Variants in USP15 observed in about 807,000 individuals in gnomAD.
USP15 encodes the protein ubiquitin specific peptidase 15.
A neutral mutation model predicts 127.1 loss-of-function variants in USP15; 18 were observed. That is an observed-to-expected ratio of 0.14 (90% CI 0.10 to 0.21). The LOEUF (loss-of-function observed/expected upper bound fraction) is 0.21, where lower values mean the gene tolerates loss of function less well. USP15 is among the 10% of genes least tolerant of loss of function. USP15 has a pLI of 1.00. For missense variants in USP15, 805 were observed against 1,159.9 expected (o/e 0.69, Z 4.44); for synonymous variants, 364 against 393.7 (o/e 0.92, Z 0.89).
At chr12:62,347,158 T>C (rs1213479648) in intron 6 of USP15, among the ~76,000 whole-genome samples, 1 of 152,112 alleles carries the variant, frequency 6.6e-6, no homozygotes, top group African/African-American at 2.4e-5. Context: ...AATAAATGTT[T>C]GAGTGTTTAA....
intron 1 of USP15, 34 bp from the exon 2 acceptor site, chr12:62,294,145 G>A: frequency 1.2e-6 from 2 of 1,604,564 alleles, no homozygotes; most frequent in Non-Finnish European, 8.5e-7. Flanking sequence ...GTATTTTCAG[G>A]TATTTTCCTT....
Position 62,393,067 on chromosome 12 carries a change from G to A in USP15, c.2435G>A (p.Cys812Tyr). 1 of 1,613,530 alleles carries A rather than the reference G, an allele frequency of 6.2e-7. No homozygotes were observed. Residue 812 changes from cysteine to tyrosine, a missense_variant, in exon 19 of 22, where the codon TGT becomes TAT. Physicochemically the swap from Cys to Tyr is radical, Grantham distance 194. This residue lies in a region of USP15 where 24 missense variants were observed against 71.5 expected (regional missense o/e 0.34). Transcript: ENST00000280377. ...GAEDPWYCPNCKEHQQATKKL... is the reference protein window; with the variant it reads ...GAEDPWYCPNYKEHQQATKKL... ...TTTATTCTTAGGTATTGTCCGAATT[G>A]TAAAGAACATCAGCAAGCCACAAAG...
At chr12:62,300,788 T>A (rs1170226508) in intron 2 of USP15, among the ~76,000 whole-genome samples, 3 of 152,142 alleles carry the variant, frequency 2.0e-5, no homozygotes, top group Non-Finnish European at 4.4e-5. Context: ...ATGTAAAAAC[T>A]AAAACTTTTA....
At chr12:62,389,571 A>C (rs1052604090) in intron 12 of USP15, 34 bp from the exon 13 acceptor site, 10 of 1,610,482 alleles carry the variant, frequency 6.2e-6, no homozygotes, top group Non-Finnish European at 8.5e-6. Context: ...TCAGTGCTGT[A>C]AAACCAGCTT....
chr12:62,367,380 C>T (rs141080647), intron 8 of USP15, among the ~76,000 whole-genome samples: 126 of 152,118 alleles, frequency 8.3e-4, no homozygotes, highest in Admixed American at 1.4e-3. Context: ...TCCAGGCGCC[C>T]GCCACCACAC....
chr12:62,335,475 C>A, intron 6 of USP15: 1 of 1,272,524 alleles, frequency 7.9e-7, no homozygotes, highest in Non-Finnish European at 9.9e-7. Flanking sequence ...AGGACAGTCC[C>A]TCTACTCTAC....
intron 1 of USP15, among the ~76,000 whole-genome samples, chr12:62,271,057 A>G (rs1197335133): frequency 6.6e-6 from 1 of 152,000 alleles, no homozygotes; most frequent in Non-Finnish European, 1.5e-5. Flanking sequence ...AGCACAAACA[A>G]TGCGCTGTCT....
intron 5 of USP15, 78 bp from the exon 6 acceptor site, chr12:62,325,794 G>T: frequency 8.2e-7 from 1 of 1,224,216 alleles, no homozygotes; most frequent in Non-Finnish European, 1.1e-6. Context: ...TAGTTTCTTA[G>T]TTTATCCAGC....
At chr12:62,277,397 A>G (rs1232481105) in intron 1 of USP15, 1 of 152,218 alleles carries the variant, frequency 6.6e-6, no homozygotes, top group African/African-American at 2.4e-5. Flanking sequence ...ACAGCATGTT[A>G]CCATACTGAA....
In USP15 at chr12:62,408,938, G is replaced by A. The variant is rs1051449057; in HGVS notation, c.*4563G>A. The A allele has an allele frequency of 2.8e-4, 42 of 151,970 alleles. No homozygotes were observed. The highest frequency in any genetic ancestry group is 9.9e-4 in the African/African-American group (41 of 41,410). 9.4% of individuals were successfully genotyped at this position (151,970 alleles called of 1,614,324 possible). Reference sequence around the variant, plus strand: ...GATAAGAAAACTTTGGTTTAAAATTGAGTTATTTTATAAGCTACATAGAAT... The same window carrying A: ...GATAAGAAAACTTTGGTTTAAAATTAAGTTATTTTATAAGCTACATAGAAT... On this transcript the variant is annotated 3_prime_UTR_variant, in exon 22 of 22. Coordinates refer to ENST00000280377, the MANE Select transcript of USP15 (RefSeq NM_001252078.2).
At chr12:62,289,081 T>G (rs1278970193) in intron 1 of USP15, among the ~76,000 whole-genome samples, 1 of 152,204 alleles carries the variant, frequency 6.6e-6, no homozygotes, top group East Asian at 1.9e-4. Context: ...TTGGCTTTGG[T>G]ATCCGGGTGA....
rs1285077421 is a variant in USP15, at chr12:62,396,278, G to T, written c.2571-17G>T. The T allele has an allele frequency of 6.4e-7, 1 of 1,552,558 alleles. No homozygotes were observed. Among genetic ancestry groups the T allele is most frequent in the Non-Finnish European group, 8.7e-7 (1 of 1,153,782 alleles). Reference sequence around the variant, plus strand: ...TAGGGACAACATAAAAATTAACTTGGTTTCTTTTTTAAACAGTGACTTGGA... The same window carrying T: ...TAGGGACAACATAAAAATTAACTTGTTTTCTTTTTTAAACAGTGACTTGGA... On this transcript the variant is annotated splice_polypyrimidine_tract_variant and intron_variant, in intron 19 of 21. Coordinates refer to ENST00000280377, the MANE Select transcript of USP15 (RefSeq NM_001252078.2).
At chr12:62,395,618 A>C (rs887477973) in intron 19 of USP15, among the ~76,000 whole-genome samples, 1 of 151,664 alleles carries the variant, frequency 6.6e-6, no homozygotes, top group African/African-American at 2.4e-5. Context: ...TAACCCGTTA[A>C]CCATCCCCAC....
chr12:62,382,040 A>T (rs1270208640), intron 9 of USP15, among the ~76,000 whole-genome samples: 1 of 152,044 alleles, frequency 6.6e-6, no homozygotes, highest in East Asian at 1.9e-4. Context: ...TACAAATGTA[A>T]AAGACTAAAT....
chr12:62,311,617 T>G (rs2064682454), intron 3 of USP15, among the ~76,000 whole-genome samples: 1 of 151,732 alleles, frequency 6.6e-6, no homozygotes, highest in Admixed American at 6.6e-5. Flanking sequence ...TTCATAAGTT[T>G]GCCCATCACT....
At position 62,381,856 on chromosome 12, in the gene USP15, GTTTTGTTTTTGT is replaced by G. The variant is rs377600000; in HGVS notation, c.1089+209_1089+220del. Among the ~76,000 whole-genome samples, 337 of 152,052 alleles carry G rather than the reference GTTTTGTTTTTGT, an allele frequency of 2.2e-3. 2 individuals carry two copies. The highest frequency in any genetic ancestry group is 8.0e-3 in the African/African-American group (332 of 41,524). ...GGGAGGGATATGGAACAGTTTATCTGTTTTGTTTTTGTTTTTGTTTTTGTTTTACATCTAAAT... is the reference window on the plus strand; with the variant it reads ...GGGAGGGATATGGAACAGTTTATCTGTTTTGTTTTTGTTTTACATCTAAAT... On this transcript the variant is annotated intron_variant, in intron 9 of 21. Transcript: ENST00000280377.
chr12:62,318,693 A>G (rs754372022), intron 4 of USP15, among the ~76,000 whole-genome samples: 14 of 152,098 alleles, frequency 9.2e-5, no homozygotes, highest in Non-Finnish European at 8.8e-5. Flanking sequence ...CCATATCTTC[A>G]TTTGTATATC....
In USP15 at chr12:62,411,416, TA is replaced by T. The variant is rs2068038247; in HGVS notation, c.*7042del. ...GTCCACTATGTGCCAGGCACTATTC[TA>T]GATTCAAGATATAAAGTAATATACA... On this transcript the variant is annotated 3_prime_UTR_variant, in exon 22 of 22. Coordinates refer to ENST00000280377, the MANE Select transcript of USP15 (RefSeq NM_001252078.2). 1 of 152,238 alleles carries T rather than the reference TA, an allele frequency of 6.6e-6. No individual in the cohort carries two copies. The highest frequency in any genetic ancestry group is 2.1e-4 in the South Asian group (1 of 4,834). The allele number at this position is 152,238 out of a possible 1,614,324, so 9.4% of individuals were successfully genotyped here. A position where few individuals can be genotyped will look rare whatever the true frequency, so the allele number is the denominator to read the frequency against.
chr12:62,287,785 G>A (rs867729224), intron 1 of USP15, among the ~76,000 whole-genome samples: 112 of 152,082 alleles, frequency 7.4e-4, no homozygotes, highest in African/African-American at 2.5e-3. Context: ...AGAAGTAGGG[G>A]CCCAGTTTCA....
Sources: gnomAD v4.1 joint callset for allele counts (sites outside exome capture counted in the v4.1 genomes callset) on GRCh38, gnomAD v4.1.1 for gene constraint, gnomAD v4.1.1 regional missense constraint, MANE v1.5 for transcripts, NCBI Gene and HGNC (gene_info 2026-07-23, HGNC 2026-07-21) for gene names.